PAX5: variants seen among roughly 807,000 people sequenced by gnomAD.
The protein encoded by PAX5 is paired box protein Pax-5.
PAX5 carries 9 observed loss-of-function variants against 43.7 expected under a neutral mutation model. The observed-to-expected ratio is 0.21, with a 90% CI of 0.12 to 0.36. The LOEUF is 0.36. Among genes scored for constraint, PAX5 ranks in the 10% least tolerant of loss-of-function variants. The probability of loss-of-function intolerance (pLI) is 1.00; values close to 1 mark genes in which losing one functional copy is unlikely to be tolerated. For missense variants in PAX5, 383 were observed against 532.7 expected (o/e 0.72, Z 2.77); for synonymous variants, 228 against 214.3 (o/e 1.06, Z -0.56).
chr9:36,890,694 G>A (rs933613726), intron 7 of PAX5, among the ~76,000 whole-genome samples: 10 of 152,160 alleles, frequency 6.6e-5, no homozygotes, highest in Admixed American at 3.9e-4. Context: ...TACAGAGACA[G>A]ATATGGCAGT....
intron 1 of PAX5, among the ~76,000 whole-genome samples, chr9:37,030,632 A>G (rs1004976839): frequency 1.3e-5 from 2 of 152,230 alleles, no homozygotes; most frequent in African/African-American, 4.8e-5. Context: ...AAGAAACTCA[A>G]TTTATGTGAA....
chr9:36,899,875 T>C lies in PAX5; in HGVS notation c.911-17770A>G, dbSNP rs76312850. ...CCCATCCCAAATCCAGTGCAACCAT[T>C]TCGTCCTTTCTTCAGGTGGTTTCTG... On this transcript the variant is annotated intron_variant, in intron 7 of 9. Transcript: ENST00000358127. Among the ~76,000 whole-genome samples the C allele has an allele frequency of 1.5e-3, 222 of 152,280 alleles. 1 individual carries two copies. Among genetic ancestry groups the C allele is most frequent in the African/African-American group, 5.0e-3 (207 of 41,542 alleles).
rs1187461019 is a variant in PAX5 at position 36,840,474 on chromosome 9, G to C, written c.*86C>G. The C allele has an allele frequency of 7.6e-7, 1 of 1,313,764 alleles. No individual in the cohort carries two copies. The highest frequency in any genetic ancestry group is 2.5e-5 in the East Asian group (1 of 40,082). The allele number at this position is 1,313,764 out of a possible 1,614,324, so 81.4% of individuals were successfully genotyped here. A position where few individuals can be genotyped will look rare whatever the true frequency, so the allele number is the denominator to read the frequency against. ...GGGGATGCTGGGGGACGGTCTCATG[G>C]GCTCTCTGGCTATCTTCAGGAGGGC... On this transcript the variant is annotated 3_prime_UTR_variant, in exon 10 of 10. Transcript: ENST00000358127.
At chr9:37,004,157 G>A (rs751145987) in intron 4 of PAX5, among the ~76,000 whole-genome samples, 1 of 152,220 alleles carries the variant, frequency 6.6e-6, no homozygotes, top group African/African-American at 2.4e-5. Flanking sequence ...TAGGGGCAGT[G>A]GTTGGTGACT....
chr9:36,975,756 A>G (rs1835373759), intron 5 of PAX5, among the ~76,000 whole-genome samples: 1 of 152,224 alleles, frequency 6.6e-6, no homozygotes. Flanking sequence ...TAGTATCTGG[A>G]GTTGACAAAA....
At chr9:36,881,934 G>GGC in intron 8 of PAX5, 70 bp downstream of exon 8, 1 of 1,092,060 alleles carries the variant, frequency 9.2e-7, no homozygotes, top group Non-Finnish European at 1.4e-6. Flanking sequence ...CAGGCTGTTT[G>GGC]GGGGGGGATG....
chr9:36,869,983 A>AATGG (rs1401270580), intron 8 of PAX5, among the ~76,000 whole-genome samples: 1 of 15,456 alleles, frequency 6.5e-5, no homozygotes. Flanking sequence ...TGGATGGATA[A>AATGG]ATGGATGGAT....
At chr9:36,877,477 G>A (rs535068656) in intron 8 of PAX5, among the ~76,000 whole-genome samples, 7 of 152,184 alleles carry the variant, frequency 4.6e-5, no homozygotes, top group Non-Finnish European at 1.0e-4. Context: ...AGGCCAGGAG[G>A]GAGTGAAACA....
chr9:37,018,509 A>G (rs1267738410), intron 2 of PAX5, among the ~76,000 whole-genome samples: 1 of 136,446 alleles, frequency 7.3e-6, no homozygotes, highest in Non-Finnish European at 1.5e-5. Flanking sequence ...CATAGCCACC[A>G]CACATCGTAC....
chr9:37,021,309 G>A (rs939920408), intron 1 of PAX5, among the ~76,000 whole-genome samples: 4 of 152,010 alleles, frequency 2.6e-5, no homozygotes, highest in Non-Finnish European at 5.9e-5. Context: ...TAATTCAAGG[G>A]CTAAGGAATT....
chr9:36,846,937 T>C lies in PAX5; in HGVS notation c.1013-8A>G. Reference sequence around the variant, plus strand: ...TCCCGGAAAACTCACTCCCTGTGTATGGTGGGTGGAGAGAGAAACAGGAAC... The same window carrying C: ...TCCCGGAAAACTCACTCCCTGTGTACGGTGGGTGGAGAGAGAAACAGGAAC... On this transcript the variant is annotated splice_region_variant and splice_polypyrimidine_tract_variant and intron_variant, in intron 8 of 9. Transcript: ENST00000358127. The C allele has an allele frequency of 6.3e-7, 1 of 1,598,908 alleles. No homozygotes were observed. Among genetic ancestry groups the C allele is most frequent in the Non-Finnish European group, 8.6e-7 (1 of 1,166,180 alleles).
At chr9:36,964,218 T>C (rs922108698) in intron 6 of PAX5, among the ~76,000 whole-genome samples, 5 of 151,214 alleles carry the variant, frequency 3.3e-5, no homozygotes, top group Non-Finnish European at 5.9e-5. Context: ...GAGGTGGAGC[T>C]TGCAGTGAGC....
At chr9:37,032,239 C>G (rs1841055175) in intron 1 of PAX5, among the ~76,000 whole-genome samples, 1 of 151,620 alleles carries the variant, frequency 6.6e-6, no homozygotes, top group South Asian at 2.1e-4. Context: ...GGCAATTGAA[C>G]TAATCAAAGA....
chr9:36,956,614 C>T (rs766791778), intron 6 of PAX5, among the ~76,000 whole-genome samples: 20 of 152,116 alleles, frequency 1.3e-4, no homozygotes, highest in Non-Finnish European at 2.9e-4. Context: ...AAAGCAGGAA[C>T]GATTTTTACT....
At chr9:36,906,445 T>C (rs1828829716) in intron 7 of PAX5, among the ~76,000 whole-genome samples, 1 of 152,198 alleles carries the variant, frequency 6.6e-6, no homozygotes, top group Non-Finnish European at 1.5e-5. Flanking sequence ...AAGGAATTTG[T>C]GTGTCCTCTA....
At chr9:36,938,207 T>C (rs1014654394) in intron 6 of PAX5, among the ~76,000 whole-genome samples, 3 of 152,232 alleles carry the variant, frequency 2.0e-5, no homozygotes, top group African/African-American at 7.2e-5. Flanking sequence ...TTGCATTTTG[T>C]GGTTATGTGT....
chr9:36,874,721 G>A (rs1825767051), intron 8 of PAX5, among the ~76,000 whole-genome samples: 2 of 152,160 alleles, frequency 1.3e-5, no homozygotes, highest in African/African-American at 4.8e-5. Context: ...TTTCTGACTG[G>A]ATTCTTCTCT....
intron 5 of PAX5, among the ~76,000 whole-genome samples, chr9:36,995,360 G>A (rs1043631300): frequency 1.2e-4 from 18 of 152,186 alleles, no homozygotes; most frequent in African/African-American, 3.9e-4. Flanking sequence ...GCCTGGAGAC[G>A]GGAAGCTGAG....
chr9:36,994,327 C>T (rs775618869), intron 5 of PAX5, among the ~76,000 whole-genome samples: 7 of 152,182 alleles, frequency 4.6e-5, no homozygotes, highest in Non-Finnish European at 7.4e-5. Flanking sequence ...CCCTGCATAC[C>T]CTTGGGCCAA....
Sources: allele counts gnomAD v4.1 joint callset (sites outside exome capture counted in the v4.1 genomes callset), GRCh38; gene constraint gnomAD v4.1.1; transcripts MANE v1.5; gene names NCBI Gene and HGNC (gene_info 2026-07-23, HGNC 2026-07-21).